Variants in MACF1 observed in about 807,000 individuals in gnomAD.
The protein encoded by MACF1 is microtubule-actin cross-linking factor 1.
In MACF1, 193 loss-of-function variants were observed where a neutral mutation model predicts 854.8. The observed-to-expected ratio is 0.23, with a 90% CI of 0.20 to 0.25. MACF1 has a LOEUF of 0.25. MACF1 is among the 10% of genes least tolerant of loss of function. The pLI is 1.00. For synonymous variants in MACF1, 3,185 were observed against 3,226.7 expected, an observed-to-expected ratio of 0.99 and a Z score of 0.44; for missense variants, 7,722 against 8,929.1, an observed-to-expected ratio of 0.86 and a Z score of 5.45.
chr1:39,351,973 T>G (rs1368815226), intron 43 of MACF1, among the ~76,000 whole-genome samples: 1 of 152,160 alleles, frequency 6.6e-6, no homozygotes, highest in African/African-American at 2.4e-5. Flanking sequence ...AGCCAAAAGC[T>G]GTCCCCGAGC....
intron 1 of MACF1, among the ~76,000 whole-genome samples, chr1:39,229,057 T>A (rs1221665415): frequency 1.3e-5 from 2 of 152,264 alleles, no homozygotes; most frequent in African/African-American, 4.8e-5. Flanking sequence ...GTACTTTGTC[T>A]TATGAATTAG....
intron 2 of MACF1, among the ~76,000 whole-genome samples, chr1:39,177,737 T>C (rs1281110234): frequency 6.6e-6 from 1 of 152,104 alleles, no homozygotes; most frequent in Non-Finnish European, 1.5e-5. Flanking sequence ...TCAGTTTTGC[T>C]CCGGGCACTA....
At chr1:39,252,656 T>C (rs1435701081) in intron 4 of MACF1, among the ~76,000 whole-genome samples, 1 of 152,188 alleles carries the variant, frequency 6.6e-6, no homozygotes, top group African/African-American at 2.4e-5. Flanking sequence ...TTTAAAAATA[T>C]CATTTGTCTC....
chr1:39,485,307 G>T (rs906355791), intron 100 of MACF1: 28 of 532,126 alleles, frequency 5.3e-5, no homozygotes, highest in Non-Finnish European at 8.9e-5. Context: ...CATGGAAGGT[G>T]ACAGTGCTGC....
intron 2 of MACF1, among the ~76,000 whole-genome samples, chr1:39,155,956 A>G (rs553860094): frequency 1.3e-5 from 2 of 150,172 alleles, no homozygotes; most frequent in African/African-American, 4.9e-5. Context: ...GGCGCGATCT[A>G]GGCTCACTGC....
intron 52 of MACF1, among the ~76,000 whole-genome samples, chr1:39,375,325 G>A (rs900587049): frequency 2.7e-5 from 4 of 150,728 alleles, no homozygotes; most frequent in African/African-American, 7.3e-5. Flanking sequence ...TTCCTGAGAC[G>A]GAGTCTCGCT....
At chr1:39,370,760 G>A (rs1649157346) in intron 51 of MACF1, among the ~76,000 whole-genome samples, 1 of 152,144 alleles carries the variant, frequency 6.6e-6, no homozygotes, top group Non-Finnish European at 1.5e-5. Flanking sequence ...AGCATTTGCT[G>A]TTGGGAATTC....
intron 80 of MACF1, among the ~76,000 whole-genome samples, chr1:39,446,747 T>C (rs1644239760): frequency 6.9e-6 from 1 of 144,834 alleles, no homozygotes; most frequent in Non-Finnish European, 1.5e-5. Flanking sequence ...ATGGAGCTTA[T>C]GAACTCTGTG....
chr1:39,161,155 G>C (rs1365840593), intron 2 of MACF1, among the ~76,000 whole-genome samples: 2 of 152,062 alleles, frequency 1.3e-5, no homozygotes, highest in Non-Finnish European at 2.9e-5. Flanking sequence ...TATTTCTCAA[G>C]CCTGTCAAAA....
chr1:39,480,097 TGAG>T (rs1644986636), intron 98 of MACF1, 88 bp downstream of exon 98: 3 of 1,219,880 alleles, frequency 2.5e-6, no homozygotes, highest in Non-Finnish European at 3.5e-6. Flanking sequence ...AAGACTCCAG[TGAG>T]GAGAAGAAAT....
chr1:39,313,886 G>A (rs1012344870), intron 26 of MACF1, among the ~76,000 whole-genome samples: 1 of 152,014 alleles, frequency 6.6e-6, no homozygotes, highest in African/African-American at 2.4e-5. Flanking sequence ...AAAGTGCTGG[G>A]ATTACAGGCA....
rs199529431 is a variant in MACF1 at position 39,333,514 on chromosome 1, A to G, written c.6926A>G (p.Asn2309Ser). The change falls in exon 37 of 101, where the codon AAT (asparagine) becomes AGT (serine). Residue 2309 changes from asparagine (N) to serine (S), a missense_variant. Asn to Ser is a conservative substitution (Grantham distance 46, BLOSUM62 1). Transcript: ENST00000564288. The stretch of plus-strand genomic sequence containing the variant: ...CAAACAGGTCAAAAGCTCTTACTAA[A>G]TGAAGCAATATCCCGAGGCATTGTG... ...HEQTGQKLLLNEAISRGIVPS... is the reference protein window; with the variant it reads ...HEQTGQKLLLSEAISRGIVPS... The G allele has an allele frequency of 9.0e-5, 146 of 1,614,234 alleles. No individual in the cohort carries two copies. The highest frequency in any genetic ancestry group is 1.1e-4 in the African/African-American group (8 of 75,066).
intron 2 of MACF1, among the ~76,000 whole-genome samples, chr1:39,179,542 G>A (rs1273690202): frequency 6.6e-6 from 1 of 152,140 alleles, no homozygotes; most frequent in Non-Finnish European, 1.5e-5. Context: ...CTACCTGAAA[G>A]AATAGGAATT....
chr1:39,194,351 C>CTTTTCTTTTTT (rs1553162049), intron 2 of MACF1, among the ~76,000 whole-genome samples: 5 of 35,534 alleles, frequency 1.4e-4, no homozygotes, highest in African/African-American at 4.7e-4. Flanking sequence ...CTTTTCTTTT[C>CTTTTCTTTTTT]TTTTTTTTTT....
In MACF1 at chr1:39,084,252, C is replaced by T. The variant is rs186743740; in HGVS notation, c.34C>T (p.Arg12Trp). 2.4e-5 allele frequency: 39 copies of T among 1,612,716 alleles called. No homozygotes were observed. Among genetic ancestry groups the T allele is most frequent in the East Asian group, 8.9e-5 (4 of 44,878 alleles). The change falls in exon 2 of 94, where the codon CGG becomes TGG. Residue 12 changes from arginine (R) to tryptophan (W), a missense_variant. Transcript: ENST00000361689. The surrounding 1 kb of genome is among the most constrained non-coding windows in gnomAD (Gnocchi z 5.2). The stretch of plus-strand genomic sequence containing the variant: ...CTCAGATGAAGAGACGCTCAGTGAG[C>T]GGTCATGTCGGAGTGAGCGGTCTTG...
At chr1:39,219,306 C>T (rs1234399471) in intron 1 of MACF1, among the ~76,000 whole-genome samples, 1 of 152,134 alleles carries the variant, frequency 6.6e-6, no homozygotes, top group Non-Finnish European at 1.5e-5. Context: ...AGTCTATGAT[C>T]TGACAGACTT....
chr1:39,458,141 C>G (rs1644479476), intron 89 of MACF1: 2 of 444,242 alleles, frequency 4.5e-6, no homozygotes, highest in South Asian at 3.9e-5. Context: ...ATAACTCAAT[C>G]ACATCCCGTT....
intron 2 of MACF1, among the ~76,000 whole-genome samples, chr1:39,242,349 C>CAA (rs759843162): frequency 0.015 from 1,731 of 114,586 alleles, 14 homozygotes; most frequent in South Asian, 0.052. Context: ...GACTCTGCCT[C>CAA]AAAAAAAAAA....
At position 39,249,673 on chromosome 1, in the gene MACF1, C is replaced by T. The variant is rs575760731; in HGVS notation, c.172-341C>T. On this transcript the variant is annotated intron_variant, in intron 2 of 100. Coordinates refer to ENST00000564288, the MANE Select transcript of MACF1 (RefSeq NM_001394062.1). ...TGGCTGGACTCATCTACCCATCATT[C>T]GCCATGCTATTACATTTTGGCTCAT... Among the ~76,000 whole-genome samples, 3 of 152,276 alleles carry T rather than the reference C, an allele frequency of 2.0e-5. No individual in the cohort carries two copies. In the South Asian group the frequency reaches 6.2e-4, roughly 32 times the overall value.
Sources: gnomAD v4.1 joint callset for allele counts (sites outside exome capture counted in the v4.1 genomes callset) on GRCh38, gnomAD v4.1.1 for gene constraint, Gnocchi (gnomAD v3.1) non-coding constraint, MANE v1.5 for transcripts, NCBI Gene and HGNC (gene_info 2026-07-23, HGNC 2026-07-21) for gene names.